MARCHF3: variants seen among roughly 807,000 people sequenced by gnomAD.
MARCHF3 encodes membrane associated ring-CH-type finger 3.
A neutral mutation model predicts 24.2 loss-of-function variants in MARCHF3; 13 were observed. The ratio of observed to expected loss-of-function variants is 0.54; its 90% CI spans 0.35 to 0.85. MARCHF3 has a LOEUF of 0.85. MARCHF3 is among the 40% of genes least tolerant of loss of function. The pLI, the probability that MARCHF3 is intolerant of heterozygous loss-of-function variation, is 0.01. For missense variants in MARCHF3, 276 were observed against 325.0 expected, an observed-to-expected ratio of 0.85 and a Z score of 1.16; for synonymous variants, 144 against 137.3, an observed-to-expected ratio of 1.05 and a Z score of -0.34.
chr5:126,971,590 C>G (rs1751015245), intron 1 of MARCHF3, among the ~76,000 whole-genome samples: 1 of 152,170 alleles, frequency 6.6e-6, no homozygotes, highest in South Asian at 2.1e-4. Flanking sequence ...CAGAGATCAC[C>G]CATGGGAGGG....
chr5:126,953,001 A>C (rs986387405), intron 1 of MARCHF3, among the ~76,000 whole-genome samples: 1 of 152,306 alleles, frequency 6.6e-6, no homozygotes, highest in East Asian at 1.9e-4. Flanking sequence ...AGGAGATGCA[A>C]AGTCTCTTAA....
At chr5:126,872,978 G>A (rs1753024837) in intron 4 of MARCHF3, among the ~76,000 whole-genome samples, 1 of 152,128 alleles carries the variant, frequency 6.6e-6, no homozygotes, top group Admixed American at 6.5e-5. Context: ...GAAAGAGGTG[G>A]AATGCAGACA....
At chr5:126,945,873 T>G (rs1192076904) in intron 1 of MARCHF3, among the ~76,000 whole-genome samples, 1 of 152,188 alleles carries the variant, frequency 6.6e-6, no homozygotes, top group Non-Finnish European at 1.5e-5. Flanking sequence ...AGCACAATGT[T>G]TGGCTCATCA....
intron 1 of MARCHF3, among the ~76,000 whole-genome samples, chr5:126,927,844 G>A (rs555084260): frequency 1.3e-5 from 2 of 152,130 alleles, no homozygotes; most frequent in South Asian, 2.1e-4. Context: ...AATGGGTGAG[G>A]TTTCTTACCC....
chr5:126,910,034 A>G (rs1435390261), intron 3 of MARCHF3, among the ~76,000 whole-genome samples: 1 of 152,212 alleles, frequency 6.6e-6, no homozygotes, highest in Non-Finnish European at 1.5e-5. Context: ...GTTCTTATCA[A>G]TCAGCTGGTT....
intron 3 of MARCHF3, among the ~76,000 whole-genome samples, chr5:126,878,755 TTCC>T (rs1753254570): frequency 6.6e-6 from 1 of 152,166 alleles, no homozygotes; most frequent in South Asian, 2.1e-4. Context: ...GTCCAAAGCC[TTCC>T]AGTGTCTTCA....
intron 1 of MARCHF3, among the ~76,000 whole-genome samples, chr5:126,995,023 T>G (rs111343957): frequency 0.051 from 7,827 of 152,290 alleles, 364 homozygotes; most frequent in South Asian, 0.13. Context: ...GCTTTATTCT[T>G]GCTGCACTGG....
chr5:126,883,304 G>A (rs943890589), intron 3 of MARCHF3, among the ~76,000 whole-genome samples: 19 of 152,144 alleles, frequency 1.2e-4, no homozygotes, highest in Non-Finnish European at 2.6e-4. Flanking sequence ...CAGGGATTCC[G>A]TGGGCAACCA....
chr5:126,899,238 T>A, intron 3 of MARCHF3: 1 of 985,280 alleles, frequency 1.0e-6, no homozygotes, highest in Non-Finnish European at 1.2e-6. Context: ...ACAGGGGTGT[T>A]TTCTTATCTT....
chr5:126,955,733 G>GA lies in MARCHF3; in HGVS notation c.-56-37507dup, dbSNP rs958022472. 5.3e-5 allele frequency among the ~76,000 whole-genome samples: 8 copies of GA among 151,988 alleles called. No individual in the cohort carries two copies. The East Asian group carries it at 9.6e-4, about 18-fold the overall frequency. ...AACGTTTTTTTCTGCTTTATGTGTT[G>GA]AAAAAATATTTTTCCAGTTCAGAGT... On this transcript the variant is annotated intron_variant, in intron 1 of 4. Coordinates refer to ENST00000308660, the MANE Select transcript of MARCHF3 (RefSeq NM_178450.5).
At chr5:126,917,664 C>A (rs1488227108) in intron 2 of MARCHF3, among the ~76,000 whole-genome samples, 1 of 152,186 alleles carries the variant, frequency 6.6e-6, no homozygotes, top group Non-Finnish European at 1.5e-5. Flanking sequence ...AATAGGACCA[C>A]CTTTGTTACC....
chr5:127,028,625 AAACAGTTTCTG>A, intron 1 of MARCHF3, among the ~76,000 whole-genome samples: 1 of 151,958 alleles, frequency 6.6e-6, no homozygotes, highest in South Asian at 2.1e-4. Flanking sequence ...AAGCAAAAGC[AAACAGTTTCTG>A]ATATACATGC....
chr5:126,939,947 G>A (rs1749773812), intron 1 of MARCHF3, among the ~76,000 whole-genome samples: 1 of 152,096 alleles, frequency 6.6e-6, no homozygotes, highest in Non-Finnish European at 1.5e-5. Flanking sequence ...TTCTCTACAA[G>A]GTATCACAAG....
At chr5:127,017,747 CATA>C (rs1561475384) in intron 1 of MARCHF3, among the ~76,000 whole-genome samples, 1 of 152,160 alleles carries the variant, frequency 6.6e-6, no homozygotes, top group East Asian at 1.9e-4. Context: ...TGAAACTTGA[CATA>C]ATAAGCTTAT....
intron 1 of MARCHF3, among the ~76,000 whole-genome samples, chr5:126,948,426 C>T (rs1409841105): frequency 6.6e-6 from 1 of 152,224 alleles, no homozygotes; most frequent in African/African-American, 2.4e-5. Flanking sequence ...TTCTACTGAA[C>T]ATCTACTGTG....
chr5:127,016,808 T>C (rs1167977403), intron 1 of MARCHF3, among the ~76,000 whole-genome samples: 1 of 152,162 alleles, frequency 6.6e-6, no homozygotes, highest in Non-Finnish European at 1.5e-5. Context: ...CATGAACACC[T>C]ATATGTATTG....
intron 1 of MARCHF3, among the ~76,000 whole-genome samples, chr5:127,019,752 C>T (rs114945385): frequency 9.8e-4 from 150 of 152,336 alleles, no homozygotes; most frequent in African/African-American, 3.6e-3. Context: ...CCTTACTTTT[C>T]GCATGAGATA....
At chr5:127,027,121 G>A (rs2126867608) in intron 1 of MARCHF3, among the ~76,000 whole-genome samples, 1 of 152,254 alleles carries the variant, frequency 6.6e-6, no homozygotes. Flanking sequence ...AAACTAATTG[G>A]CAATAACTAA....
chr5:126,964,617 A>C (rs193046896), intron 1 of MARCHF3, among the ~76,000 whole-genome samples: 289 of 152,290 alleles, frequency 1.9e-3, no homozygotes, highest in African/African-American at 6.8e-3. Flanking sequence ...TTGTTGTCCT[A>C]CTATGGTTGT....
Sources: allele counts gnomAD v4.1 joint callset (sites outside exome capture counted in the v4.1 genomes callset), GRCh38; gene constraint gnomAD v4.1.1; transcripts MANE v1.5; gene names NCBI Gene and HGNC (gene_info 2026-07-23, HGNC 2026-07-21).